Variants in LARP1B observed in about 807,000 individuals in gnomAD.
LARP1B encodes la-related protein 1B.
In LARP1B, 76 loss-of-function variants were observed where a neutral mutation model predicts 114.2. The ratio of observed to expected loss-of-function variants is 0.67; its 90% CI spans 0.55 to 0.81. The LOEUF (loss-of-function observed/expected upper bound fraction) is 0.81, where lower values mean the gene tolerates loss of function less well. Ranked by LOEUF, LARP1B falls within the 30% of genes least tolerant of loss-of-function variation. The pLI, the probability that LARP1B is intolerant of heterozygous loss-of-function variation, is 0.00. For missense variants in LARP1B, 1,014 were observed against 1,075.8 expected (o/e 0.94, Z 0.80); for synonymous variants, 345 against 348.0 (o/e 0.99, Z 0.10).
In LARP1B at chr4:128,211,023, T is replaced by C; in HGVS notation, c.*970T>C. 1.1e-6 allele frequency: 1 copy of C among 909,230 alleles called. No homozygotes were observed. The highest frequency in any genetic ancestry group is 1.3e-6 in the Non-Finnish European group (1 of 760,624). The allele number at this position is 909,230 out of a possible 1,614,324, so 56.3% of individuals were successfully genotyped here. On this transcript the variant is annotated 3_prime_UTR_variant, in exon 20 of 20. Coordinates refer to ENST00000326639, the MANE Select transcript of LARP1B (RefSeq NM_018078.4). ...TTTTGTTTAATTTTGTTTTTATAAA[T>C]GTTTTCAAGAGTTATAGCAAATTGA...
At chr4:128,110,505 G>A (rs1419500998) in intron 9 of LARP1B, among the ~76,000 whole-genome samples, 7 of 149,352 alleles carry the variant, frequency 4.7e-5, no homozygotes, top group Admixed American at 2.7e-4. Flanking sequence ...GTGAAACCCC[G>A]TCTCTACTAA....
At chr4:128,209,587 G>A (rs962876328) in intron 19 of LARP1B, among the ~76,000 whole-genome samples, 1 of 152,168 alleles carries the variant, frequency 6.6e-6, no homozygotes, top group Non-Finnish European at 1.5e-5. Context: ...AGTACCTTAA[G>A]TTGCTGTTAA....
intron 9 of LARP1B, among the ~76,000 whole-genome samples, chr4:128,113,616 T>C (rs1257232702): frequency 2.0e-5 from 3 of 151,904 alleles, no homozygotes; most frequent in Non-Finnish European, 4.4e-5. Flanking sequence ...GCTGGGATTG[T>C]AGGTGTGAGC....
chr4:128,216,985 C>T (rs1164018130), downstream of LARP1B, among the ~76,000 whole-genome samples: 6 of 151,102 alleles, frequency 4.0e-5, no homozygotes, highest in Admixed American at 1.3e-4. Flanking sequence ...CACAGAAATA[C>T]AAACTACCAT....
At chr4:128,165,237 G>T (rs999572611) in intron 12 of LARP1B, among the ~76,000 whole-genome samples, 1 of 151,370 alleles carries the variant, frequency 6.6e-6, no homozygotes, top group African/African-American at 2.4e-5. Context: ...CTAGTTGGTC[G>T]GTATGAGTGT....
In LARP1B at chr4:128,142,691, A is replaced by G. The variant is rs540725960; in HGVS notation, c.1525-19503A>G. Among the ~76,000 whole-genome samples the G allele has an allele frequency of 1.1e-3, 167 of 151,992 alleles. 1 individual carries two copies. Among genetic ancestry groups the G allele is most frequent in the Middle Eastern group, 3.4e-3 (1 of 294 alleles). On this transcript the variant is annotated intron_variant, in intron 11 of 19. Coordinates refer to ENST00000326639, the MANE Select transcript of LARP1B (RefSeq NM_018078.4). ...ACCTGGCTAATTTTGTATTTTTAGT[A>G]GAGACGGGGTTTCTCCATGTTTCTC...
At chr4:128,173,282 A>G (rs111412537) in intron 12 of LARP1B, among the ~76,000 whole-genome samples, 36 of 152,266 alleles carry the variant, frequency 2.4e-4, no homozygotes, top group African/African-American at 7.7e-4. Flanking sequence ...TTTTTATGCT[A>G]CAAAAGCAGA....
intron 12 of LARP1B, among the ~76,000 whole-genome samples, chr4:128,170,546 T>G (rs761592749): frequency 2.6e-5 from 4 of 152,250 alleles, no homozygotes; most frequent in Non-Finnish European, 5.9e-5. Context: ...ATTGGTATAT[T>G]GTGTCATCTT....
chr4:128,155,250 AC>A, intron 11 of LARP1B: 1 of 321,786 alleles, frequency 3.1e-6, no homozygotes, highest in Non-Finnish European at 5.8e-6. Flanking sequence ...ATTGCTGAGA[AC>A]AGCTGAAAAA....
chr4:128,062,014 A>ACCG (rs1461221790), intron 1 of LARP1B: 2 of 984,246 alleles, frequency 2.0e-6, no homozygotes, highest in Non-Finnish European at 2.4e-6. Context: ...CGCCACCGCC[A>ACCG]CCGCCGCCGC....
intron 11 of LARP1B, chr4:128,122,454 G>GTTTTTTTTTTTTTTTTTTT: frequency 7.1e-7 from 1 of 1,416,548 alleles, no homozygotes; most frequent in East Asian, 2.8e-5. Flanking sequence ...TTTTTTTTTT[G>GTTTTTTTTTTTTTTTTTTT]TTTTGTTTTT....
chr4:128,065,965 A>G (rs1762631247), intron 1 of LARP1B, among the ~76,000 whole-genome samples: 2 of 151,706 alleles, frequency 1.3e-5, no homozygotes, highest in African/African-American at 2.4e-5. Context: ...ACAGGCACGC[A>G]TGTCATTCCA....
At chr4:128,062,012 C>T (rs1179829509) in intron 1 of LARP1B, 2 of 985,104 alleles carry the variant, frequency 2.0e-6, no homozygotes, top group South Asian at 4.7e-5. Context: ...GCCGCCACCG[C>T]CACCGCCGCC....
intron 15 of LARP1B, among the ~76,000 whole-genome samples, chr4:128,193,398 A>G (rs555660498): frequency 1.3e-5 from 2 of 152,278 alleles, no homozygotes; most frequent in South Asian, 4.1e-4. Flanking sequence ...ACACACACCT[A>G]TAAAGTATCC....
At chr4:128,111,325 G>A (rs1245267931) in intron 9 of LARP1B, among the ~76,000 whole-genome samples, 1 of 152,004 alleles carries the variant, frequency 6.6e-6, no homozygotes, top group Non-Finnish European at 1.5e-5. Context: ...GGGATTATAG[G>A]CATGAGCCAC....
In LARP1B at chr4:128,091,146, T is replaced by C; in HGVS notation, c.502+2T>C. ...GACGAGGCAGAGGAAATCCTCGATG[T>C]ATGACATAATTTTTGTTTCGTTAAA... On this transcript the variant is annotated splice_donor_variant, in intron 6 of 19. Transcript: ENST00000326639. LOFTEE classifies it high-confidence loss of function. 1 of 1,607,814 alleles carries C rather than the reference T, an allele frequency of 6.2e-7. No homozygotes were observed. The highest frequency in any genetic ancestry group is 8.5e-7 in the Non-Finnish European group (1 of 1,178,586).
At chr4:128,076,133 C>T (rs761973580) in intron 3 of LARP1B, among the ~76,000 whole-genome samples, 42 of 152,124 alleles carry the variant, frequency 2.8e-4, no homozygotes, top group Non-Finnish European at 4.6e-4. Flanking sequence ...CCTGCCTCAG[C>T]CTCCTGAGTA....
chr4:128,213,612 G>A (rs1458804625), downstream of LARP1B, among the ~76,000 whole-genome samples: 1 of 152,088 alleles, frequency 6.6e-6, no homozygotes, highest in South Asian at 2.1e-4. Context: ...AAATCTAAAT[G>A]GCCCTACCCA....
chr4:128,128,845 T>C (rs960552646), intron 11 of LARP1B, among the ~76,000 whole-genome samples: 3 of 152,054 alleles, frequency 2.0e-5, no homozygotes, highest in African/African-American at 7.2e-5. Flanking sequence ...ACAGGATCTA[T>C]CTGAGGATTA....
Sources: allele counts gnomAD v4.1 joint callset (sites outside exome capture counted in the v4.1 genomes callset), GRCh38; gene constraint gnomAD v4.1.1; transcripts MANE v1.5; gene names NCBI Gene and HGNC (gene_info 2026-07-23, HGNC 2026-07-21).